Variants in POMT2 observed in about 807,000 individuals in gnomAD.
The protein encoded by POMT2 is protein O-mannosyltransferase 2, also known as protein O-mannosyl-transferase 2.
In POMT2, 75 loss-of-function variants were observed where a neutral mutation model predicts 100.0. That is an observed-to-expected ratio of 0.75 (90% confidence interval 0.62 to 0.91). POMT2 has a LOEUF of 0.91. Among genes scored for constraint, POMT2 ranks in the 40% least tolerant of loss-of-function variants. The pLI is 0.00. For synonymous variants in POMT2, 378 were observed against 374.1 expected, an observed-to-expected ratio of 1.01 and a Z score of -0.12; for missense variants, 940 against 955.1, an observed-to-expected ratio of 0.98 and a Z score of 0.21.
chr14:77,278,425 T>C lies in POMT2; in HGVS notation c.2116A>G (p.Ile706Val), dbSNP rs1352547589. ...PLARGIHVAG[I>V]LSLLLGTAYS... ...GCAGTTCCCAGGAGCAGGCTCAGGA[T>C]TCCCGCCACATGTATGCCCCTCGCC... The change falls in exon 20 of 21, where the codon ATC (isoleucine) becomes GTC (valine). Residue 706 changes from isoleucine (I) to valine (V), a missense_variant. Transcript: ENST00000261534. 10 of 1,484,210 alleles carry C rather than the reference T, an allele frequency of 6.7e-6. No homozygotes were observed. Among genetic ancestry groups the C allele is most frequent in the South Asian group, 6.0e-5 (5 of 82,712 alleles). The allele number at this position is 1,484,210 out of a possible 1,614,324, so 91.9% of individuals were successfully genotyped here.
At chr14:77,305,989 GTGCATGGAGGCAC>G (rs1474250300) in intron 3 of POMT2, among the ~76,000 whole-genome samples, 1 of 152,248 alleles carries the variant, frequency 6.6e-6, no homozygotes, top group Non-Finnish European at 1.5e-5. Flanking sequence ...CAGCGTGCCA[GTGCATGGAGGCAC>G]TGCTGGGGCT....
intron 10 of POMT2, among the ~76,000 whole-genome samples, chr14:77,291,088 GTTC>G (rs1890622765): frequency 6.6e-6 from 1 of 152,146 alleles, no homozygotes; most frequent in African/African-American, 2.4e-5. Context: ...CTAAGAGCAA[GTTC>G]TTACCTGTTT....
In POMT2 at chr14:77,302,862, A is replaced by G. The variant is rs369654108; in HGVS notation, c.629T>C (p.Met210Thr). The G allele has an allele frequency of 1.2e-4, 192 of 1,613,538 alleles. 4 individuals carry two copies. In the South Asian group the frequency reaches 2.0e-3, roughly 16 times the overall value. Residue 210 changes from methionine to threonine, a missense_variant, in exon 5 of 21, where the codon ATG (methionine) becomes ACG (threonine). Transcript: ENST00000261534. ...MFFIMAAMLS[M>T]VKYNSCADRP... Reference sequence around the variant, plus strand: ...GTCGGCGCAAGAGTTGTACTTGACCATGCTCAGCATGGCAGCCATGATGAA... The same window carrying G: ...GTCGGCGCAAGAGTTGTACTTGACCGTGCTCAGCATGGCAGCCATGATGAA...
In POMT2 at chr14:77,296,601, G is replaced by GGAA. The variant is rs3837647; in HGVS notation, c.1007-331_1007-329dup. Reference sequence around the variant, plus strand: ...CACATGGATTCAATGGAATAAAGAAGGAAGTATCTTCTGTCTTCGCCTGGA... The same window carrying GGAA: ...CACATGGATTCAATGGAATAAAGAAGGAAGAAGTATCTTCTGTCTTCGCCTGGA... On this transcript the variant is annotated intron_variant, in intron 8 of 20. Transcript: ENST00000261534. 0.62 allele frequency: 210,516 copies of GGAA among 342,114 alleles called. 66,975 individuals carry two copies. Among genetic ancestry groups the GGAA allele is most frequent in the African/African-American group, 0.77 (37,101 of 47,946 alleles). 21.2% of individuals were successfully genotyped at this position (342,114 alleles called of 1,614,324 possible).
At chr14:77,312,283 T>A in intron 1 of POMT2, 2 of 444,616 alleles carry the variant, frequency 4.5e-6, no homozygotes, top group East Asian at 9.9e-5. Context: ...TTGAGTTAAA[T>A]ATACATATAC....
At chr14:77,312,873 C>G (rs1415827108) in intron 1 of POMT2, among the ~76,000 whole-genome samples, 2 of 152,206 alleles carry the variant, frequency 1.3e-5, no homozygotes, top group African/African-American at 4.8e-5. Context: ...AAGCTGCTAA[C>G]TGTGATCTGG....
At chr14:77,313,601 C>G (rs1891518279) in intron 1 of POMT2, among the ~76,000 whole-genome samples, 1 of 152,238 alleles carries the variant, frequency 6.6e-6, no homozygotes, top group Non-Finnish European at 1.5e-5. Context: ...ACCATCCCTG[C>G]TGGGCCCTCC....
rs766021721 is a variant in POMT2 at position 77,279,796 on chromosome 14, G to C, written c.1891+27C>G. 6.2e-6 allele frequency: 10 copies of C among 1,603,838 alleles called. No homozygotes were observed. In the East Asian group the frequency reaches 1.6e-4, roughly 25 times the overall value. Reference sequence around the variant, plus strand: ...CAGGTGCCCTGCTGCCGCCAGGTCAGGGGAGGGAGAGCCCAGAGGACCTGA... The same window carrying C: ...CAGGTGCCCTGCTGCCGCCAGGTCACGGGAGGGAGAGCCCAGAGGACCTGA... On this transcript the variant is annotated intron_variant, in intron 18 of 20. Transcript: ENST00000261534.
intron 15 of POMT2, 95 bp from the exon 16 acceptor site, chr14:77,280,558 C>A: frequency 1.9e-6 from 3 of 1,589,528 alleles, no homozygotes; most frequent in Non-Finnish European, 2.6e-6. Flanking sequence ...GGGCCAAGCG[C>A]CGAGCAGAAC....
At chr14:77,316,037 C>A (rs1427502249) in intron 1 of POMT2, among the ~76,000 whole-genome samples, 1 of 152,120 alleles carries the variant, frequency 6.6e-6, no homozygotes, top group Non-Finnish European at 1.5e-5. Context: ...CAAAAAACAA[C>A]TTTGTGGCTG....
chr14:77,315,625 T>C (rs1183895604), intron 1 of POMT2, among the ~76,000 whole-genome samples: 1 of 152,206 alleles, frequency 6.6e-6, no homozygotes, highest in African/African-American at 2.4e-5. Context: ...CAAGGGCTGC[T>C]GTGTGTAGAC....
At chr14:77,307,520 T>C (rs1011715053) in intron 2 of POMT2, among the ~76,000 whole-genome samples, 1 of 152,224 alleles carries the variant, frequency 6.6e-6, no homozygotes, top group African/African-American at 2.4e-5. Context: ...GAACTAAAGC[T>C]GCCAAGTGGC....
At chr14:77,286,666 A>C in intron 12 of POMT2, 78 bp downstream of exon 12, 11 of 1,579,744 alleles carry the variant, frequency 7.0e-6, no homozygotes, top group South Asian at 1.1e-5. Context: ...AATTCTGGGG[A>C]GGAGATATCC....
chr14:77,301,114 C>G lies in POMT2; in HGVS notation c.792G>C (p.Leu264=). 2 of 1,614,212 alleles carry G rather than the reference C, an allele frequency of 1.2e-6. No individual in the cohort carries two copies. Among genetic ancestry groups the G allele is most frequent in the Non-Finnish European group, 1.7e-6 (2 of 1,180,040 alleles). The change falls in exon 6 of 21, where the codon CTG becomes CTC. Residue 264 remains leucine, a synonymous_variant. Coordinates refer to ENST00000261534, the MANE Select transcript of POMT2 (RefSeq NM_013382.7). The part of the protein sequence containing the change: ...GLNTIADLWY[L]FGDLSLSLVT... ...CCAATGAAAGACTGAGGTCTCCGAA[C>G]AGGTACCAAAGGTCTGCAATGGTGT...
Position 77,286,726 on chromosome 14 carries a change from T to C in POMT2, c.1332+18A>G, listed in dbSNP as rs1378015383. Reference sequence around the variant, plus strand: ...CCATAACTTTTACGTCCTACTCACATCCCCGTTGCTTACTTACTATGCCAT... The same window carrying C: ...CCATAACTTTTACGTCCTACTCACACCCCCGTTGCTTACTTACTATGCCAT... On this transcript the variant is annotated intron_variant, in intron 12 of 20. Transcript: ENST00000261534. 6.2e-7 allele frequency: 1 copy of C among 1,613,936 alleles called. No individual in the cohort carries two copies. The highest frequency in any genetic ancestry group is 8.5e-7 in the Non-Finnish European group (1 of 1,179,992).
intron 6 of POMT2, 110 bp downstream of exon 6, chr14:77,300,980 C>T (rs1347310203): frequency 6.2e-6 from 10 of 1,606,792 alleles, no homozygotes; most frequent in Non-Finnish European, 8.5e-6. Context: ...ACCTGGGACC[C>T]AGAACACAGC....
At chr14:77,310,994 G>A (rs974085339) in intron 2 of POMT2, among the ~76,000 whole-genome samples, 9 of 152,206 alleles carry the variant, frequency 5.9e-5, no homozygotes, top group Admixed American at 2.0e-4. Context: ...ATTAGCCAGC[G>A]TGGTGGCGGG....
At chr14:77,320,164 C>T (rs1162700552) in intron 1 of POMT2, 6 of 589,814 alleles carry the variant, frequency 1.0e-5, no homozygotes, top group Non-Finnish European at 1.8e-5. Flanking sequence ...CCACAATTTG[C>T]AAGCCAGGTG....
chr14:77,301,694 T>C (rs1891050510), intron 5 of POMT2, among the ~76,000 whole-genome samples: 1 of 152,194 alleles, frequency 6.6e-6, no homozygotes, highest in African/African-American at 2.4e-5. Context: ...ACGATGCATA[T>C]ATTAACTCTT....
Sources: allele counts gnomAD v4.1 joint callset (sites outside exome capture counted in the v4.1 genomes callset), GRCh38; gene constraint gnomAD v4.1.1; transcripts MANE v1.5; gene names NCBI Gene and HGNC (gene_info 2026-07-23, HGNC 2026-07-21).